SSTR3: variants seen among roughly 807,000 people sequenced by gnomAD.
SSTR3 encodes somatostatin receptor type 3.
For synonymous variants in SSTR3, 281 were observed against 269.2 expected (o/e 1.04, Z -0.43); for missense variants, 504 against 604.7 (o/e 0.83, Z 1.75).
At chr22:37,214,629 A>T (rs962610807), upstream of SSTR3, among the ~76,000 whole-genome samples, 2 of 152,114 alleles carry the variant, frequency 1.3e-5, no homozygotes, top group Admixed American at 1.3e-4. Context: ...CTAAGACAGT[A>T]AAGAAGGGTT....
Position 37,206,791 on chromosome 22 carries a change from T to C in SSTR3, c.1013A>G (p.Gln338Arg). 1 of 1,611,962 alleles carries C rather than the reference T, an allele frequency of 6.2e-7. No individual in the cohort carries two copies. ...CTCCGGGGGCCCCACAGTGGGCTCCTGGCTGCGCACACGGCGGGAGGGCCG... is the reference window on the plus strand; with the variant it reads ...CTCCGGGGGCCCCACAGTGGGCTCCCGGCTGCGCACACGGCGGGAGGGCCG... ...LLRPSRRVRSQEPTVGPPEKT... is the reference protein window; with the variant it reads ...LLRPSRRVRSREPTVGPPEKT... The change falls in exon 2 of 2, where the codon CAG becomes CGG. Residue 338 changes from glutamine (Q) to arginine (R), a missense_variant. Coordinates refer to ENST00000610913, the MANE Select transcript of SSTR3 (RefSeq NM_001051.5).
Position 37,206,544 on chromosome 22 carries a change from C to G in SSTR3, c.*3G>C. 1 of 1,598,738 alleles carries G rather than the reference C, an allele frequency of 6.3e-7. No individual in the cohort carries two copies. The highest frequency in any genetic ancestry group is 8.5e-7 in the Non-Finnish European group (1 of 1,171,432). ...TCGGGCCATCCTGGCTTTCCCCAGG[C>G]CCCTACAGGTAGCTGATGCGCATCG... On this transcript the variant is annotated 3_prime_UTR_variant, in exon 2 of 2. Coordinates refer to ENST00000610913, the MANE Select transcript of SSTR3 (RefSeq NM_001051.5).
At chr22:37,217,562 TC>T in the SSTR3 span, among the ~76,000 whole-genome samples, 2 of 152,200 alleles carry the variant, frequency 1.3e-5, no homozygotes, top group Non-Finnish European at 2.9e-5. Flanking sequence ...TTGTTGCTCA[TC>T]TTTATAATTT....
chr22:37,211,562 G>A (rs1926193199), intron 1 of SSTR3, among the ~76,000 whole-genome samples: 3 of 152,198 alleles, frequency 2.0e-5, no homozygotes, highest in Admixed American at 6.5e-5. Flanking sequence ...GGAAGCCAAC[G>A]ACATGATACA....
At position 37,205,509 on chromosome 22, in the gene SSTR3, G is replaced by C. The variant is rs560982711; in HGVS notation, c.*1038C>G. 6.6e-6 allele frequency: 1 copy of C among 151,602 alleles called. No individual in the cohort carries two copies. The allele number at this position is 151,602 out of a possible 1,614,324, so 9.4% of individuals were successfully genotyped here. Reference sequence around the variant, plus strand: ...CCTTCCTCTTCCTTCTCCTCACAGCGCTCTTCAGACACTCTGCCTTTCCAT... The same window carrying C: ...CCTTCCTCTTCCTTCTCCTCACAGCCCTCTTCAGACACTCTGCCTTTCCAT... On this transcript the variant is annotated 3_prime_UTR_variant, in exon 2 of 2. Coordinates refer to ENST00000610913, the MANE Select transcript of SSTR3 (RefSeq NM_001051.5).
In SSTR3 at chr22:37,212,089, G is replaced by C. The variant is rs9622573; in HGVS notation, c.-301C>G. ...ACCCCCCATCTCCAGGACACATCCT[G>C]GGGGGGCAGGGGCAAGGATAGGGGG... On this transcript the variant is annotated 5_prime_UTR_variant, in exon 1 of 2. Transcript: ENST00000610913. 6.6e-3 allele frequency: 6,523 copies of C among 985,380 alleles called. 290 individuals are homozygous for C. In the African/African-American group the frequency reaches 0.1, roughly 16 times the overall value. 61.0% of individuals were successfully genotyped at this position (985,380 alleles called of 1,614,324 possible). A position where few individuals can be genotyped will look rare whatever the true frequency, so the allele number is the denominator to read the frequency against.
At chr22:37,211,025 C>A in intron 1 of SSTR3, 3 of 976,368 alleles carry the variant, frequency 3.1e-6, no homozygotes, top group Non-Finnish European at 3.7e-6. Context: ...GAAGTTGAGG[C>A]TCAGAGAGGT....
In SSTR3 at chr22:37,205,538, A is replaced by G. The variant is rs1925675493; in HGVS notation, c.*1009T>C. 6.6e-6 allele frequency: 1 copy of G among 152,062 alleles called. No individual in the cohort carries two copies. The highest frequency in any genetic ancestry group is 2.9e-3 in the Middle Eastern group (1 of 342). 9.4% of individuals were successfully genotyped at this position (152,062 alleles called of 1,614,324 possible). On this transcript the variant is annotated 3_prime_UTR_variant, in exon 2 of 2. Coordinates refer to ENST00000610913, the MANE Select transcript of SSTR3 (RefSeq NM_001051.5). ...TTCAGACACTCTGCCTTTCCATGCC[A>G]GTCCTCATGGGCTGGGTCCCTGTCT...
the SSTR3 span, among the ~76,000 whole-genome samples, chr22:37,218,550 G>A: frequency 6.6e-6 from 1 of 152,140 alleles, no homozygotes; most frequent in East Asian, 1.9e-4. Flanking sequence ...GGGGAGAGGG[G>A]AAACACGCCC....
chr22:37,207,266 C>T lies in SSTR3; in HGVS notation c.538G>A (p.Val180Ile). The T allele has an allele frequency of 6.3e-7, 1 of 1,598,180 alleles. No homozygotes were observed. The highest frequency in any genetic ancestry group is 1.1e-5 in the South Asian group (1 of 89,246). Reference protein sequence around the residue: ...ASAVVVLPVVVFSGVPRGMST... With the variant: ...ASAVVVLPVVIFSGVPRGMST... Reference sequence around the variant, plus strand: ...ATGCCGCGGGGCACTCCCGAGAAGACCACCACGGGCAGCACCACCACGGCT... The same window carrying T: ...ATGCCGCGGGGCACTCCCGAGAAGATCACCACGGGCAGCACCACCACGGCT... Residue 180 changes from valine to isoleucine, a missense_variant, in exon 2 of 2, where the codon GTC becomes ATC. Coordinates refer to ENST00000610913, the MANE Select transcript of SSTR3 (RefSeq NM_001051.5).
intron 1 of SSTR3, chr22:37,211,046 G>T: frequency 1.1e-6 from 1 of 913,042 alleles, no homozygotes; most frequent in Non-Finnish European, 1.3e-6. Context: ...TGAGTAAGCT[G>T]CAAAGGGTCA....
At chr22:37,211,127 G>A (rs1175903817) in intron 1 of SSTR3, among the ~76,000 whole-genome samples, 1 of 152,204 alleles carries the variant, frequency 6.6e-6, no homozygotes, top group Non-Finnish European at 1.5e-5. Context: ...GTACCTCCTG[G>A]CCACACTGGC....
rs141082621 is a variant in SSTR3 at position 37,207,708 on chromosome 22, C to G, written c.96G>C (p.Ser32=). ...CCAGCCCTGCCGGGCTTGGGCCCGC[C>G]GACACGTTGCCCAGGGTGGCATCTG... is the stretch of plus-strand genomic sequence containing the variant. The part of the protein sequence containing the change: ...WPPDATLGNV[S]AGPSPAGLAV... The change falls in exon 2 of 2, where the codon TCG becomes TCC. Residue 32 remains serine (S), a synonymous_variant. Coordinates refer to ENST00000610913, the MANE Select transcript of SSTR3 (RefSeq NM_001051.5). The G allele has an allele frequency of 6.5e-7, 1 of 1,544,128 alleles. No individual in the cohort carries two copies. Among genetic ancestry groups the G allele is most frequent in the Admixed American group, 2.0e-5 (1 of 50,554 alleles).
At chr22:37,215,402 T>G (rs913376854), upstream of SSTR3, among the ~76,000 whole-genome samples, 4 of 152,236 alleles carry the variant, frequency 2.6e-5, no homozygotes, top group Non-Finnish European at 5.9e-5. Context: ...TTTCTTTTTT[T>G]TGAGACGGAG....
rs1926229469 is a variant in SSTR3 at position 37,212,153 on chromosome 22, AG to A, written c.-366del. On this transcript the variant is annotated 5_prime_UTR_variant, in exon 1 of 2. It introduces an in-frame stop codon into an upstream open reading frame of the 5' UTR. Transcript: ENST00000610913. Reference sequence around the variant, plus strand: ...GGGTGAGGAAGAGAAGAGGGGAGCAAGGGACACAGAAGCCAATAGAAATAGA... The same window carrying A: ...GGGTGAGGAAGAGAAGAGGGGAGCAAGGACACAGAAGCCAATAGAAATAGA... 6.1e-6 allele frequency: 6 copies of A among 984,702 alleles called. No individual in the cohort carries two copies. The highest frequency in any genetic ancestry group is 7.2e-6 in the Non-Finnish European group (6 of 829,882). The allele number at this position is 984,702 out of a possible 1,614,324, so 61.0% of individuals were successfully genotyped here. A position where few individuals can be genotyped will look rare whatever the true frequency, so the allele number is the denominator to read the frequency against.
At position 37,211,824 on chromosome 22, in the gene SSTR3, C is replaced by G; in HGVS notation, c.-37+1G>C. ...CATCATCCGGGCCCCAGCCTCCTTA[C>G]CTGCCCATGGGGTGAGGGCTTCCCT... is the stretch of plus-strand genomic sequence containing the variant. On this transcript the variant is annotated splice_donor_variant, in intron 1 of 1. Coordinates refer to ENST00000610913, the MANE Select transcript of SSTR3 (RefSeq NM_001051.5). LOFTEE classifies it low-confidence loss of function (5UTR_SPLICE). The G allele has an allele frequency of 4.1e-6, 4 of 985,712 alleles. No individual in the cohort carries two copies. Among genetic ancestry groups the G allele is most frequent in the Non-Finnish European group, 4.8e-6 (4 of 830,124 alleles). 61.1% of individuals were successfully genotyped at this position (985,712 alleles called of 1,614,324 possible).
At position 37,207,720 on chromosome 22, in the gene SSTR3, C is replaced by T; in HGVS notation, c.84G>A (p.Leu28=). The change falls in exon 2 of 2, where the codon CTG becomes CTA. Residue 28 remains leucine, a synonymous_variant. Coordinates refer to ENST00000610913, the MANE Select transcript of SSTR3 (RefSeq NM_001051.5). ...GGCTTGGGCCCGCCGACACGTTGCCCAGGGTGGCATCTGGGGGCCAGGCCG... is the reference window on the plus strand; with the variant it reads ...GGCTTGGGCCCGCCGACACGTTGCCTAGGGTGGCATCTGGGGGCCAGGCCG... ...ASSAWPPDAT[L]GNVSAGPSPA... 6.5e-7 allele frequency: 1 copy of T among 1,535,546 alleles called. No homozygotes were observed.
intron 1 of SSTR3, among the ~76,000 whole-genome samples, chr22:37,208,698 G>A (rs1416501671): frequency 6.6e-6 from 1 of 152,164 alleles, no homozygotes; most frequent in Non-Finnish European, 1.5e-5. Context: ...CTTTCTTAGT[G>A]TCTTTCTCAT....
At chr22:37,216,443 T>C (rs1926449135), upstream of SSTR3, among the ~76,000 whole-genome samples, 1 of 152,246 alleles carries the variant, frequency 6.6e-6, no homozygotes, top group Non-Finnish European at 1.5e-5. Flanking sequence ...GCAATGTAAA[T>C]ATTATTTCCT....
Sources: gnomAD v4.1 joint callset for allele counts (sites outside exome capture counted in the v4.1 genomes callset) on GRCh38, gnomAD v4.1.1 for gene constraint, MANE v1.5 for transcripts, NCBI Gene and HGNC (gene_info 2026-07-23, HGNC 2026-07-21) for gene names.